Variants in EML6 observed in about 807,000 individuals in gnomAD.
The protein encoded by EML6 is EMAP like 6, also known as echinoderm microtubule-associated protein-like 6.
In EML6, 154 loss-of-function variants were observed where a neutral mutation model predicts 240.1. That is an observed-to-expected ratio of 0.64 (90% CI 0.56 to 0.73). The LOEUF (loss-of-function observed/expected upper bound fraction) is 0.73. Ranked by LOEUF, EML6 falls within the 30% of genes least tolerant of loss-of-function variation. The probability of loss-of-function intolerance (pLI) is 0.00; values close to 1 mark genes in which losing one functional copy is unlikely to be tolerated. For synonymous variants in EML6, 1,148 were observed against 899.0 expected, an observed-to-expected ratio of 1.28 and a Z score of -4.95; for missense variants, 2,964 against 2,474.6, an observed-to-expected ratio of 1.20 and a Z score of -4.20.
At chr2:54,923,435 A>G (rs1248809687) in intron 26 of EML6, among the ~76,000 whole-genome samples, 5 of 151,062 alleles carry the variant, frequency 3.3e-5, no homozygotes, top group African/African-American at 4.9e-5. Context: ...TAATGCATTA[A>G]TTACCTTGAT....
intron 2 of EML6, among the ~76,000 whole-genome samples, chr2:54,797,168 A>AAAAAAAAAAAACAAAAAAAAC (rs1285009313): frequency 7.9e-5 from 10 of 125,972 alleles, no homozygotes; most frequent in African/African-American, 1.7e-4. Flanking sequence ...CCATCTCAAA[A>AAAAAAAAAAAACAAAAAAAAC]AAAAAAAAAA....
chr2:54,733,169 C>T (rs558885931), intron 2 of EML6, among the ~76,000 whole-genome samples: 11 of 152,290 alleles, frequency 7.2e-5, no homozygotes, highest in South Asian at 2.1e-4. Context: ...GCCTACCTCC[C>T]GGGGATGAAA....
At chr2:54,826,171 G>A (rs1558582629) in intron 5 of EML6, among the ~76,000 whole-genome samples, 2 of 152,218 alleles carry the variant, frequency 1.3e-5, no homozygotes, top group East Asian at 3.9e-4. Context: ...TCTTCAGTGA[G>A]CTACTTCTGT....
intron 2 of EML6, among the ~76,000 whole-genome samples, chr2:54,754,971 T>G (rs1257934835): frequency 4.6e-5 from 7 of 152,230 alleles, no homozygotes. Flanking sequence ...GTTAGTCACA[T>G]GTAGCTAGTG....
intron 35 of EML6, among the ~76,000 whole-genome samples, chr2:54,960,595 TA>T (rs1323277276): frequency 6.6e-6 from 1 of 152,182 alleles, no homozygotes; most frequent in African/African-American, 2.4e-5. Flanking sequence ...GTCACATATT[TA>T]TACATGACAG....
At chr2:54,736,860 A>G (rs376982647) in intron 2 of EML6, among the ~76,000 whole-genome samples, 48 of 152,326 alleles carry the variant, frequency 3.2e-4, no homozygotes, top group African/African-American at 1.0e-3. Flanking sequence ...CATGGCGTCA[A>G]TCTAATAATG....
chr2:54,906,212 T>C (rs1404824751), intron 24 of EML6, among the ~76,000 whole-genome samples: 1 of 152,246 alleles, frequency 6.6e-6, no homozygotes, highest in African/African-American at 2.4e-5. Flanking sequence ...ATTTTGATAA[T>C]AGCTGTCCTA....
chr2:54,816,037 G>A (rs1215927691), intron 3 of EML6, among the ~76,000 whole-genome samples: 4 of 152,306 alleles, frequency 2.6e-5, no homozygotes, highest in South Asian at 4.1e-4. Flanking sequence ...AAGGTGTTAT[G>A]TCTGGCTACT....
chr2:54,876,706 T>G lies in EML6; in HGVS notation c.2345-2841T>G, dbSNP rs1006353316. ...TGGACAATTTCTTTAAAAATCTGTT[T>G]ATAATTAACACATAATTGCAAATGT... On this transcript the variant is annotated intron_variant, in intron 16 of 41. Transcript: ENST00000356458. Among the ~76,000 whole-genome samples the G allele has an allele frequency of 2.6e-5, 4 of 152,346 alleles. No individual in the cohort carries two copies. The East Asian group carries it at 5.8e-4, about 22-fold the overall frequency.
intron 26 of EML6, among the ~76,000 whole-genome samples, chr2:54,927,791 A>T (rs540580306): frequency 1.3e-5 from 2 of 152,372 alleles, no homozygotes; most frequent in African/African-American, 4.8e-5. Flanking sequence ...GCGTGTTTGT[A>T]TTAAAAATTC....
chr2:54,750,573 T>TA (rs1362057102), intron 2 of EML6, among the ~76,000 whole-genome samples: 1 of 152,202 alleles, frequency 6.6e-6, no homozygotes, highest in Non-Finnish European at 1.5e-5. Flanking sequence ...AGTAGTATCT[T>TA]AGACTCTCCC....
chr2:54,804,769 A>C (rs1310786674), intron 2 of EML6, among the ~76,000 whole-genome samples: 1 of 152,108 alleles, frequency 6.6e-6, no homozygotes, highest in Non-Finnish European at 1.5e-5. Flanking sequence ...AACACTTCTA[A>C]TTTTCAGGAC....
intron 37 of EML6, 59 bp from the exon 38 acceptor site, chr2:54,964,512 G>A: frequency 6.6e-7 from 1 of 1,506,748 alleles, no homozygotes; most frequent in South Asian, 1.2e-5. Flanking sequence ...CAGCCTTCGT[G>A]CCTGACCAGC....
chr2:54,928,069 G>T (rs1193313766), intron 26 of EML6, among the ~76,000 whole-genome samples: 1 of 152,156 alleles, frequency 6.6e-6, no homozygotes, highest in Non-Finnish European at 1.5e-5. Flanking sequence ...CCAGAAAATA[G>T]GTTCTGTAGT....
At chr2:54,948,782 G>A (rs1337184407) in intron 28 of EML6, 100 bp from the exon 29 acceptor site, 13 of 846,748 alleles carry the variant, frequency 1.5e-5, no homozygotes, top group Non-Finnish European at 1.7e-5. Context: ...GAGGCGGGAG[G>A]AGAGAGGAGG....
At chr2:54,810,838 T>C (rs146549871) in intron 2 of EML6, among the ~76,000 whole-genome samples, 3 of 152,264 alleles carry the variant, frequency 2.0e-5, no homozygotes, top group African/African-American at 7.2e-5. Flanking sequence ...TCCTAGCCTT[T>C]AGGACTCCAG....
intron 2 of EML6, among the ~76,000 whole-genome samples, chr2:54,805,079 G>A (rs1239498527): frequency 6.6e-6 from 1 of 152,158 alleles, no homozygotes; most frequent in Non-Finnish European, 1.5e-5. Context: ...GTATTCCACT[G>A]AATGCTCCAG....
intron 2 of EML6, among the ~76,000 whole-genome samples, chr2:54,800,013 G>T (rs1448903181): frequency 6.6e-6 from 1 of 152,108 alleles, no homozygotes; most frequent in Non-Finnish European, 1.5e-5. Flanking sequence ...TGAGAGGCTT[G>T]AGGCAGGTGG....
chr2:54,916,733 TATC>T (rs1292369234), intron 25 of EML6, 23 bp from the exon 26 acceptor site: 7 of 1,467,026 alleles, frequency 4.8e-6, no homozygotes, highest in African/African-American at 1.4e-5. Context: ...TGTGCAAAAA[TATC>T]ATTCTCTTTC....
Sources: gnomAD v4.1 joint callset for allele counts (sites outside exome capture counted in the v4.1 genomes callset) on GRCh38, gnomAD v4.1.1 for gene constraint, MANE v1.5 for transcripts, NCBI Gene and HGNC (gene_info 2026-07-23, HGNC 2026-07-21) for gene names.